The following SLC25A48 variants were observed in gnomAD, a reference collection of about 807,000 sequenced individuals.
SLC25A48 encodes CTC-321K16.1.
In SLC25A48, 29 loss-of-function variants were observed where a neutral mutation model predicts 32.2. That is an observed-to-expected ratio of 0.90 (90% CI 0.67 to 1.23). SLC25A48 has a LOEUF of 1.23. Among genes scored for constraint, SLC25A48 ranks in the 50% most tolerant of loss-of-function variants. SLC25A48 has a pLI of 0.00. For missense variants in SLC25A48, 399 were observed against 422.7 expected (o/e 0.94, Z 0.49); for synonymous variants, 164 against 172.3 (o/e 0.95, Z 0.38).
intron 3 of SLC25A48, among the ~76,000 whole-genome samples, chr5:135,711,265 C>T (rs1231384717): frequency 6.6e-6 from 1 of 152,240 alleles, no homozygotes; most frequent in East Asian, 1.9e-4. Flanking sequence ...ACACAAGCAA[C>T]ATGCACTTTG....
chr5:135,736,869 C>T (rs1229618637), intron 3 of SLC25A48, among the ~76,000 whole-genome samples: 4 of 151,866 alleles, frequency 2.6e-5, no homozygotes, highest in African/African-American at 9.7e-5. Flanking sequence ...AAGATGGCAC[C>T]AAGACTGAAA....
At chr5:135,704,717 G>C (rs1050411588) in intron 3 of SLC25A48, among the ~76,000 whole-genome samples, 8 of 152,180 alleles carry the variant, frequency 5.3e-5, no homozygotes, top group Non-Finnish European at 8.8e-5. Flanking sequence ...AGGAAACTGA[G>C]GGACAGAGAG....
intron 1 of SLC25A48, among the ~76,000 whole-genome samples, chr5:135,839,081 A>G (rs1320441454): frequency 6.6e-6 from 1 of 152,228 alleles, no homozygotes; most frequent in Non-Finnish European, 1.5e-5. Flanking sequence ...TTATAAAATT[A>G]TTTTTTAAAA....
intron 3 of SLC25A48, among the ~76,000 whole-genome samples, chr5:135,754,867 T>C (rs1755857702): frequency 6.6e-6 from 1 of 152,084 alleles, no homozygotes; most frequent in Admixed American, 6.6e-5. Context: ...ATTTATAGTG[T>C]CCAGTGTTTA....
intron 3 of SLC25A48, among the ~76,000 whole-genome samples, chr5:135,646,678 T>TATATATAC: frequency 7.3e-6 from 1 of 136,754 alleles, no homozygotes; most frequent in Non-Finnish European, 1.6e-5. Context: ...TATATATATA[T>TATATATAC]ACAATGGGAA....
chr5:135,679,313 T>C (rs149960514), intron 3 of SLC25A48, among the ~76,000 whole-genome samples: 264 of 152,052 alleles, frequency 1.7e-3, no homozygotes, highest in African/African-American at 6.1e-3. Flanking sequence ...GGCCGGGCAG[T>C]CCTCAGGCCC....
chr5:135,724,038 G>A (rs1755031759), intron 3 of SLC25A48, among the ~76,000 whole-genome samples: 1 of 152,174 alleles, frequency 6.6e-6, no homozygotes, highest in Non-Finnish European at 1.5e-5. Flanking sequence ...CTCAAGCCCA[G>A]ATCCCTTGCA....
chr5:135,644,449 G>C (rs928226608), intron 3 of SLC25A48, among the ~76,000 whole-genome samples: 8 of 152,110 alleles, frequency 5.3e-5, no homozygotes. Flanking sequence ...TGAACCCCAG[G>C]TGCACATGTC....
intron 3 of SLC25A48, among the ~76,000 whole-genome samples, chr5:135,685,633 A>C (rs963476854): frequency 6.6e-6 from 1 of 152,086 alleles, no homozygotes; most frequent in African/African-American, 2.4e-5. Context: ...GGGTTTCACC[A>C]TGTTGGTTTC....
At chr5:135,749,299 C>T (rs1476715408) in intron 3 of SLC25A48, among the ~76,000 whole-genome samples, 1 of 151,858 alleles carries the variant, frequency 6.6e-6, no homozygotes, top group Admixed American at 6.6e-5. Context: ...AAAAAAACCC[C>T]AAGAAAATGA....
In SLC25A48 at chr5:135,774,194, G is replaced by A. The variant is rs571159289; in HGVS notation, c.-520-38329G>A. Among the ~76,000 whole-genome samples, 11 of 151,424 alleles carry A rather than the reference G, an allele frequency of 7.3e-5. No individual in the cohort carries two copies. The East Asian group carries it at 7.8e-4, about 11-fold the overall frequency. ...AGATAATAAAATTACTCCAAATATCGCAGGGGCTGTACACCCCTTCTGTGA... is the reference window on the plus strand; with the variant it reads ...AGATAATAAAATTACTCCAAATATCACAGGGGCTGTACACCCCTTCTGTGA... On this transcript the variant is annotated intron_variant, in intron 3 of 10. Transcript: ENST00000646290.
At chr5:135,836,884 T>C (rs911443873) in intron 1 of SLC25A48, among the ~76,000 whole-genome samples, 1 of 151,870 alleles carries the variant, frequency 6.6e-6, no homozygotes, top group Non-Finnish European at 1.5e-5. Context: ...GGCACCAGAA[T>C]CTGCCATCTT....
At chr5:135,765,025 G>A (rs1756170798) in intron 3 of SLC25A48, among the ~76,000 whole-genome samples, 1 of 151,348 alleles carries the variant, frequency 6.6e-6, no homozygotes, top group Non-Finnish European at 1.5e-5. Flanking sequence ...TCCTCATATG[G>A]GGGTAGTGTA....
At chr5:135,863,709 C>T (rs957404602) in intron 4 of SLC25A48, among the ~76,000 whole-genome samples, 3 of 152,106 alleles carry the variant, frequency 2.0e-5, no homozygotes, top group Admixed American at 6.5e-5. Flanking sequence ...TTTGTCCATG[C>T]TCACATAACT....
intron 1 of SLC25A48, among the ~76,000 whole-genome samples, chr5:135,622,158 T>C (rs1021070769): frequency 5.9e-5 from 9 of 152,162 alleles, no homozygotes; most frequent in African/African-American, 1.4e-4. Flanking sequence ...AGAGGAAAAG[T>C]ACTTGAAGAA....
intron 3 of SLC25A48, among the ~76,000 whole-genome samples, chr5:135,670,984 C>T (rs1753641367): frequency 6.6e-6 from 1 of 152,088 alleles, no homozygotes; most frequent in Admixed American, 6.6e-5. Context: ...ATGATTAATC[C>T]CTGGTATACC....
At chr5:135,774,628 T>C (rs1306246556) in intron 3 of SLC25A48, among the ~76,000 whole-genome samples, 1 of 151,716 alleles carries the variant, frequency 6.6e-6, no homozygotes, top group Non-Finnish European at 1.5e-5. Context: ...GAGGGAAAGA[T>C]GATGGCATTG....
chr5:135,653,986 G>A (rs1753181182), intron 3 of SLC25A48: 2 of 453,156 alleles, frequency 4.4e-6, no homozygotes. Context: ...GGCTAACCTG[G>A]GACCTGCCAT....
chr5:135,682,705 T>C (rs143382043), intron 3 of SLC25A48, among the ~76,000 whole-genome samples: 1 of 152,206 alleles, frequency 6.6e-6, no homozygotes, highest in Non-Finnish European at 1.5e-5. Context: ...CCTTGAGAGA[T>C]AAGAGGTACA....
Sources: allele counts gnomAD v4.1 joint callset (sites outside exome capture counted in the v4.1 genomes callset), GRCh38; gene constraint gnomAD v4.1.1; transcripts MANE v1.5; gene names NCBI Gene and HGNC (gene_info 2026-07-23, HGNC 2026-07-21).